Variants in DAAM1 observed in about 807,000 individuals in gnomAD.
DAAM1 encodes the protein dishevelled associated activator of morphogenesis 1, also known as disheveled-associated activator of morphogenesis 1.
DAAM1 carries 52 observed loss-of-function variants against 130.0 expected under a neutral mutation model. The ratio of observed to expected loss-of-function variants is 0.40; its 90% CI spans 0.32 to 0.50. The LOEUF (loss-of-function observed/expected upper bound fraction) is 0.50, where lower values mean the gene tolerates loss of function less well. Ranked by LOEUF, DAAM1 falls within the 20% of genes least tolerant of loss-of-function variation. The pLI is 0.61. For missense variants in DAAM1, 1,134 were observed against 1,303.8 expected (o/e 0.87, Z 2.01); for synonymous variants, 452 against 444.5 (o/e 1.02, Z -0.21).
chr14:59,366,542 T>C (rs1886924068), intron 23 of DAAM1, among the ~76,000 whole-genome samples: 1 of 152,222 alleles, frequency 6.6e-6, no homozygotes, highest in African/African-American at 2.4e-5. Context: ...ATTAGTTTTA[T>C]GTCTAGGGTG....
chr14:59,292,249 C>G (rs751508428), intron 3 of DAAM1, among the ~76,000 whole-genome samples: 2 of 152,214 alleles, frequency 1.3e-5, no homozygotes, highest in Non-Finnish European at 2.9e-5. Context: ...ATGACTCACT[C>G]TCGACCCAGG....
chr14:59,289,593 G>A (rs1883625807), intron 2 of DAAM1, among the ~76,000 whole-genome samples: 1 of 151,866 alleles, frequency 6.6e-6, no homozygotes, highest in Non-Finnish European at 1.5e-5. Flanking sequence ...ATTTAAAATA[G>A]AACTAGCATT....
Position 59,263,598 on chromosome 14 carries a change from A to G in DAAM1, c.121A>G (p.Met41Val). 1.2e-6 allele frequency: 2 copies of G among 1,614,194 alleles called. No individual in the cohort carries two copies. The highest frequency in any genetic ancestry group is 8.5e-7 in the Non-Finnish European group (1 of 1,180,028). The change falls in exon 2 of 25, where the codon ATG becomes GTG. Residue 41 changes from methionine to valine, a missense_variant. Transcript: ENST00000360909. ...RNDSNFALQT[M>V]EPALPMPPVE... is the part of the protein sequence containing the mutation. ...TGATAGCAACTTTGCGCTTCAGACC[A>G]TGGAACCAGCATTGCCCATGCCCCC... is the stretch of plus-strand genomic sequence containing the variant.
At chr14:59,358,575 G>T (rs533514118) in intron 20 of DAAM1, among the ~76,000 whole-genome samples, 16 of 152,256 alleles carry the variant, frequency 1.1e-4, no homozygotes, top group African/African-American at 3.9e-4. Context: ...AGACACGGTG[G>T]CTCACACCTA....
At chr14:59,223,469 T>C (rs1425201581) in intron 1 of DAAM1, among the ~76,000 whole-genome samples, 1 of 152,140 alleles carries the variant, frequency 6.6e-6, no homozygotes, top group African/African-American at 2.4e-5. Flanking sequence ...GGTGCTGCAA[T>C]TCATTTGTAG....
intron 3 of DAAM1, among the ~76,000 whole-genome samples, chr14:59,311,142 C>T (rs1218720310): frequency 1.3e-5 from 2 of 152,054 alleles, no homozygotes; most frequent in African/African-American, 2.4e-5. Flanking sequence ...TCAGCTGCTA[C>T]GAAGAAATTT....
At chr14:59,262,652 TAGTG>T (rs1882222860) in intron 1 of DAAM1, among the ~76,000 whole-genome samples, 3 of 116,562 alleles carry the variant, frequency 2.6e-5, no homozygotes, top group Non-Finnish European at 3.6e-5. Flanking sequence ...AATATTCTAT[TAGTG>T]TGTGTGTGTG....
chr14:59,354,144 TC>T, intron 19 of DAAM1, among the ~76,000 whole-genome samples, 180 bp downstream of exon 19: 1 of 151,398 alleles, frequency 6.6e-6, no homozygotes, highest in South Asian at 2.1e-4. Context: ...CAGTGCAAGC[TC>T]CGCCTCCCAG....
rs549097105 is a variant in DAAM1, at chr14:59,280,587, G to A, written c.184-10630G>A. Among the ~76,000 whole-genome samples, 188 of 108,062 alleles carry A rather than the reference G, an allele frequency of 1.7e-3. 1 individual carries two copies. The highest frequency in any genetic ancestry group is 6.4e-3 in the African/African-American group (181 of 28,150). The allele number at this position is 108,062 out of a possible 152,430, so 70.9% of individuals were successfully genotyped here. A position where few individuals can be genotyped will look rare whatever the true frequency, so the allele number is the denominator to read the frequency against. On this transcript the variant is annotated intron_variant, in intron 2 of 24. Coordinates refer to ENST00000360909, the MANE Select transcript of DAAM1 (RefSeq NM_001270520.2). The stretch of plus-strand genomic sequence containing the variant: ...TTCTGCTATGTCAGACTGCTTTTAA[G>A]TACTGATGCAAAGATGAATAGAACA...
intron 2 of DAAM1, among the ~76,000 whole-genome samples, chr14:59,277,334 T>G (rs183351770): frequency 6.6e-6 from 1 of 152,282 alleles, no homozygotes; most frequent in African/African-American, 2.4e-5. Flanking sequence ...ACTGCCTGCT[T>G]ATTCTACAGT....
At chr14:59,190,189 G>T (rs1294949675) in intron 1 of DAAM1, among the ~76,000 whole-genome samples, 1 of 151,940 alleles carries the variant, frequency 6.6e-6, no homozygotes, top group Non-Finnish European at 1.5e-5. Flanking sequence ...ACAGCCCCGG[G>T]ACTCTCCCCT....
chr14:59,340,042 A>G, intron 15 of DAAM1, 32 bp from the exon 16 acceptor site: 1 of 1,594,682 alleles, frequency 6.3e-7, no homozygotes, highest in Non-Finnish European at 8.6e-7. Context: ...TCCCTGTTGG[A>G]CTTTGATGGA....
intron 1 of DAAM1, among the ~76,000 whole-genome samples, chr14:59,260,056 T>C (rs1309822056): frequency 6.6e-6 from 1 of 152,028 alleles, no homozygotes; most frequent in Non-Finnish European, 1.5e-5. Flanking sequence ...AAAAAAAAAT[T>C]GAGATTAAGC....
intron 1 of DAAM1, among the ~76,000 whole-genome samples, chr14:59,198,075 T>G (rs1285179430): frequency 2.0e-5 from 3 of 152,186 alleles, no homozygotes; most frequent in African/African-American, 4.8e-5. Flanking sequence ...TGGATGGCCT[T>G]TGTTTATGCT....
At chr14:59,189,950 G>A (rs1405611599) in intron 1 of DAAM1, among the ~76,000 whole-genome samples, 2 of 152,204 alleles carry the variant, frequency 1.3e-5, no homozygotes, top group African/African-American at 4.8e-5. Context: ...ATGCCACCGT[G>A]ACCGTTTTGC....
In DAAM1 at chr14:59,362,066, A is replaced by C. The variant is rs78134027; in HGVS notation, c.2694+1204A>C. ...GGGAGTAGGGGGCAGTATTAAAAAA[A>C]AAATTCTACTGATTGAACTTTTTCT... On this transcript the variant is annotated intron_variant, in intron 22 of 24. Coordinates refer to ENST00000360909, the MANE Select transcript of DAAM1 (RefSeq NM_001270520.2). Among the ~76,000 whole-genome samples, 306 of 151,300 alleles carry C rather than the reference A, an allele frequency of 2.0e-3. 5 individuals carry two copies. The East Asian group carries it at 0.031, about 15-fold the overall frequency.
At chr14:59,223,852 C>T (rs1341321305) in intron 1 of DAAM1, among the ~76,000 whole-genome samples, 3 of 152,190 alleles carry the variant, frequency 2.0e-5, no homozygotes, top group Non-Finnish European at 4.4e-5. Context: ...GATGGAAGAC[C>T]TGCATTTTAT....
Position 59,368,892 on chromosome 14 carries a change from T to C in DAAM1, c.*33T>C, listed in dbSNP as rs1322507388. On this transcript the variant is annotated 3_prime_UTR_variant, in exon 25 of 25. Transcript: ENST00000360909. The stretch of plus-strand genomic sequence containing the variant: ...TGAATACTTTTTTTTAGAAAGCTCA[T>C]TAGCAGCCCTCTAAAGTGACTAGAA... The C allele has an allele frequency of 6.3e-7, 1 of 1,599,772 alleles. No individual in the cohort carries two copies. Among genetic ancestry groups the C allele is most frequent in the East Asian group, 2.3e-5 (1 of 44,444 alleles).
At chr14:59,201,994 T>C (rs1464818198) in intron 1 of DAAM1, among the ~76,000 whole-genome samples, 1 of 152,204 alleles carries the variant, frequency 6.6e-6, no homozygotes, top group Non-Finnish European at 1.5e-5. Flanking sequence ...TCTAAATCTG[T>C]AGATGAATCA....
Sources: allele counts gnomAD v4.1 joint callset (sites outside exome capture counted in the v4.1 genomes callset), GRCh38; gene constraint gnomAD v4.1.1; transcripts MANE v1.5; gene names NCBI Gene and HGNC (gene_info 2026-07-23, HGNC 2026-07-21).